Variants in SLC13A3 observed in about 807,000 individuals in gnomAD.
SLC13A3 encodes the protein solute carrier family 13 member 3.
A neutral mutation model predicts 59.0 loss-of-function variants in SLC13A3; 40 were observed. The observed-to-expected ratio is 0.68, with a 90% CI of 0.53 to 0.88. The LOEUF (loss-of-function observed/expected upper bound fraction) is 0.88. Among genes scored for constraint, SLC13A3 ranks in the 40% least tolerant of loss-of-function variants. The pLI is 0.00. For missense variants in SLC13A3, 699 were observed against 783.2 expected (o/e 0.89, Z 1.28); for synonymous variants, 317 against 330.3 (o/e 0.96, Z 0.44).
At chr20:46,615,293 C>G (rs1299558538) in intron 1 of SLC13A3, among the ~76,000 whole-genome samples, 1 of 152,106 alleles carries the variant, frequency 6.6e-6, no homozygotes. Context: ...GTTTTGTTAA[C>G]TTTATTCCAT....
At chr20:46,662,378 C>T (rs1050540939) in intron 1 of SLC13A3, among the ~76,000 whole-genome samples, 5 of 152,174 alleles carry the variant, frequency 3.3e-5, no homozygotes, top group African/African-American at 4.8e-5. Flanking sequence ...TGCCATCAGA[C>T]ATTGTTGTAG....
chr20:46,676,788 G>A (rs1226373567), intron 1 of SLC13A3, among the ~76,000 whole-genome samples: 4 of 152,310 alleles, frequency 2.6e-5, no homozygotes, highest in South Asian at 4.1e-4. Flanking sequence ...CCTGGGCTGC[G>A]TGGAAACAGT....
At chr20:46,565,365 C>G (rs573909743) in intron 11 of SLC13A3, among the ~76,000 whole-genome samples, 11 of 152,170 alleles carry the variant, frequency 7.2e-5, no homozygotes, top group Non-Finnish European at 1.2e-4. Flanking sequence ...CTCTCTGTTC[C>G]TTGCAAATCT....
At chr20:46,632,818 T>TCTCA (rs1197160472) in intron 1 of SLC13A3, among the ~76,000 whole-genome samples, 1 of 152,078 alleles carries the variant, frequency 6.6e-6, no homozygotes, top group Admixed American at 6.5e-5. Flanking sequence ...TCTTTCTTCC[T>TCTCA]CTCACTCTCT....
At chr20:46,640,327 T>C (rs1373617666) in intron 1 of SLC13A3, among the ~76,000 whole-genome samples, 2 of 151,806 alleles carry the variant, frequency 1.3e-5, no homozygotes, top group Non-Finnish European at 2.9e-5. Flanking sequence ...GCTAAAAGGG[T>C]GGGGAAGGGA....
chr20:46,598,923 A>G (rs2062344480), intron 4 of SLC13A3, among the ~76,000 whole-genome samples: 1 of 151,914 alleles, frequency 6.6e-6, no homozygotes, highest in Non-Finnish European at 1.5e-5. Flanking sequence ...GCTGGTCCAC[A>G]CGCTGAGAAC....
At chr20:46,576,018 C>T (rs542890344) in intron 9 of SLC13A3, among the ~76,000 whole-genome samples, 4 of 152,252 alleles carry the variant, frequency 2.6e-5, no homozygotes, top group Middle Eastern at 3.4e-3. Flanking sequence ...TTTCTTTGTA[C>T]TGGAACATGT....
chr20:46,586,378 C>G lies in SLC13A3; in HGVS notation c.1121+1681G>C, dbSNP rs964654309. ...CCTCACTCACCATCTCTCTGTTTCT[C>G]TGGTAAATTCATTTTCCTTTCCCCA... On this transcript the variant is annotated intron_variant, in intron 8 of 12. Coordinates refer to ENST00000279027, the MANE Select transcript of SLC13A3 (RefSeq NM_022829.6). Among the ~76,000 whole-genome samples the G allele has an allele frequency of 9.2e-5, 14 of 152,276 alleles. No individual in the cohort carries two copies. In the East Asian group the frequency reaches 1.4e-3, roughly 15 times the overall value.
At chr20:46,664,483 C>T (rs1217719136) in intron 1 of SLC13A3, among the ~76,000 whole-genome samples, 1 of 152,166 alleles carries the variant, frequency 6.6e-6, no homozygotes, top group African/African-American at 2.4e-5. Flanking sequence ...TACCTTTCAC[C>T]ATGTGTTTTA....
At chr20:46,563,274 G>C (rs1225908416) in intron 12 of SLC13A3, 140 bp downstream of exon 12, 6 of 982,536 alleles carry the variant, frequency 6.1e-6, no homozygotes, top group Non-Finnish European at 8.8e-6. Context: ...CTAAATGTAT[G>C]TTCCTGGTCC....
chr20:46,575,450 T>C (rs1269448210), intron 10 of SLC13A3, 123 bp downstream of exon 10: 2 of 517,670 alleles, frequency 3.9e-6, no homozygotes, highest in Admixed American at 7.4e-5. Flanking sequence ...GTGAGGAAAC[T>C]GGCTGTGCCC....
intron 11 of SLC13A3, among the ~76,000 whole-genome samples, chr20:46,565,893 A>G (rs1433779965): frequency 1.3e-5 from 2 of 152,030 alleles, no homozygotes; most frequent in Non-Finnish European, 2.9e-5. Context: ...TTCCATTAGA[A>G]TTTCTCCTAT....
At chr20:46,585,847 C>A in intron 8 of SLC13A3, 1 of 1,192,906 alleles carries the variant, frequency 8.4e-7, no homozygotes, top group South Asian at 1.5e-5. Context: ...CTTATAACAA[C>A]CTTCAGGAGA....
intron 5 of SLC13A3, 34 bp from the exon 6 acceptor site, chr20:46,592,563 G>A: frequency 6.2e-7 from 1 of 1,611,604 alleles, no homozygotes; most frequent in Non-Finnish European, 8.5e-7. Context: ...ACAGGCCAAG[G>A]GCAGCCATGC....
Position 46,583,596 on chromosome 20 carries a change from G to C in SLC13A3, c.1195C>G (p.Leu399Val). ...LFFFPSQRPS[L>V]KWWFDFKAPN... ...CCTTTGAAGTCAAACCACCACTTGA[G>C]AGAGGGCCTTTGGGACGGGAAGAAG... is the stretch of plus-strand genomic sequence containing the variant. Residue 399 changes from leucine to valine, a missense_variant, in exon 9 of 13, where the codon CTC becomes GTC. Transcript: ENST00000279027. 6.2e-7 allele frequency: 1 copy of C among 1,613,668 alleles called. No homozygotes were observed. Among genetic ancestry groups the C allele is most frequent in the South Asian group, 1.1e-5 (1 of 91,044 alleles).
At chr20:46,649,303 T>C (rs1227486653) in intron 1 of SLC13A3, among the ~76,000 whole-genome samples, 1 of 152,210 alleles carries the variant, frequency 6.6e-6, no homozygotes, top group Non-Finnish European at 1.5e-5. Context: ...AAGAGGATCC[T>C]TTGTGAAGCT....
intron 1 of SLC13A3, among the ~76,000 whole-genome samples, chr20:46,634,562 C>A (rs1313685532): frequency 2.0e-5 from 3 of 151,608 alleles, no homozygotes; most frequent in African/African-American, 7.3e-5. Context: ...CTCTGTTAGA[C>A]CCCTGGACTC....
rs1355919855 is a variant in SLC13A3, at chr20:46,577,069, C to CATATGAAGCCCACAGGT, written c.1220-1385_1220-1384insACCTGTGGGCTTCATAT. On this transcript the variant is annotated intron_variant, in intron 9 of 12. Coordinates refer to ENST00000279027, the MANE Select transcript of SLC13A3 (RefSeq NM_022829.6). ...CCCACAGGTGTATGCAGTCTACAGA[C>CATATGAAGCCCACAGGT]GTATGAAGCCCACAGATGTATGAAG... Among the ~76,000 whole-genome samples, 5 of 25,976 alleles carry CATATGAAGCCCACAGGT rather than the reference C, an allele frequency of 1.9e-4. 1 individual carries two copies. Among genetic ancestry groups the CATATGAAGCCCACAGGT allele is most frequent in the East Asian group, 1.2e-3 (1 of 828 alleles). The allele number at this position is 25,976 out of a possible 152,430, so 17.0% of individuals were successfully genotyped here. A position where few individuals can be genotyped will look rare whatever the true frequency, so the allele number is the denominator to read the frequency against.
At chr20:46,610,347 A>T in intron 3 of SLC13A3, 99 bp downstream of exon 3, 3 of 1,140,390 alleles carry the variant, frequency 2.6e-6, no homozygotes, top group Non-Finnish European at 3.8e-6. Context: ...GTGCTCAATA[A>T]GTGTGCATGC....
Sources: allele counts gnomAD v4.1 joint callset (sites outside exome capture counted in the v4.1 genomes callset), GRCh38; gene constraint gnomAD v4.1.1; transcripts MANE v1.5; gene names NCBI Gene and HGNC (gene_info 2026-07-23, HGNC 2026-07-21).